The following MGAT4D variants were observed in gnomAD, a reference collection of about 807,000 sequenced individuals.
MGAT4D encodes the protein MGAT4 family member D, also known as alpha-1,3-mannosyl-glycoprotein 4-beta-N-acetylglucosaminyltransferase-like protein MGAT4D.
MGAT4D carries 34 observed loss-of-function variants against 15.9 expected under a neutral mutation model. The observed-to-expected ratio is 2.14, with a 90% CI of 1.62 to 2.84. The LOEUF is 2.84. Among genes scored for constraint, MGAT4D ranks in the 30% most tolerant of loss-of-function variants. MGAT4D has a pLI of 0.00. For synonymous variants in MGAT4D, 112 were observed against 48.2 expected, an observed-to-expected ratio of 2.33 and a Z score of -5.49; for missense variants, 327 against 140.2, an observed-to-expected ratio of 2.33 and a Z score of -6.73.
At chr4:140,472,152 A>G (rs1265564510) in intron 4 of MGAT4D, among the ~76,000 whole-genome samples, 2 of 152,144 alleles carry the variant, frequency 1.3e-5, no homozygotes, top group African/African-American at 4.8e-5. Context: ...AAAAATGGTC[A>G]TCTGTGAATG....
intron 9 of MGAT4D, among the ~76,000 whole-genome samples, chr4:140,452,152 A>G (rs538805367): frequency 2.6e-5 from 4 of 152,170 alleles, no homozygotes; most frequent in Non-Finnish European, 5.9e-5. Flanking sequence ...TGGGCAATAT[A>G]GTGAGACTCC....
chr4:140,454,857 G>T (rs1443262012), intron 9 of MGAT4D, among the ~76,000 whole-genome samples: 1 of 151,828 alleles, frequency 6.6e-6, no homozygotes, highest in Non-Finnish European at 1.5e-5. Flanking sequence ...TTTTTAAGTT[G>T]CTCTTTTATA....
chr4:140,498,106 CG>C, intron 1 of MGAT4D, 22 bp downstream of exon 1: 1 of 695,244 alleles, frequency 1.4e-6, no homozygotes, highest in Non-Finnish European at 2.6e-6. Flanking sequence ...GGAAAGGAGG[CG>C]GGAGGAGGGC....
At chr4:140,485,515 A>G (rs1733052101) in intron 1 of MGAT4D, among the ~76,000 whole-genome samples, 1 of 152,072 alleles carries the variant, frequency 6.6e-6, no homozygotes, top group Non-Finnish European at 1.5e-5. Context: ...ACTAACCTGC[A>G]TATTGTGCTC....
intron 1 of MGAT4D, among the ~76,000 whole-genome samples, chr4:140,496,637 G>A (rs892732755): frequency 1.6e-4 from 24 of 152,174 alleles, no homozygotes; most frequent in African/African-American, 5.6e-4. Flanking sequence ...GAGGGCAGGA[G>A]TTTGTGACCA....
At chr4:140,476,089 G>A (rs1732312139) in intron 3 of MGAT4D, among the ~76,000 whole-genome samples, 1 of 152,072 alleles carries the variant, frequency 6.6e-6, no homozygotes, top group Non-Finnish European at 1.5e-5. Context: ...TGGGATTACA[G>A]GCATGTGCCA....
At chr4:140,494,662 T>C (rs745380023) in intron 1 of MGAT4D, among the ~76,000 whole-genome samples, 1 of 152,212 alleles carries the variant, frequency 6.6e-6, no homozygotes, top group Non-Finnish European at 1.5e-5. Context: ...GCCTTTGCTA[T>C]TTCGGTAAAT....
intron 3 of MGAT4D, among the ~76,000 whole-genome samples, chr4:140,477,004 A>T (rs1203624380): frequency 6.6e-6 from 1 of 152,170 alleles, no homozygotes; most frequent in African/African-American, 2.4e-5. Flanking sequence ...AAATTGAATA[A>T]ATAATAAAGG....
At chr4:140,447,219 G>C (rs1410954518) in intron 10 of MGAT4D, among the ~76,000 whole-genome samples, 1 of 152,042 alleles carries the variant, frequency 6.6e-6, no homozygotes, top group Non-Finnish European at 1.5e-5. Flanking sequence ...TATATATTAT[G>C]TTCATTTGGT....
Position 140,451,405 on chromosome 4 carries a change from CT to C in MGAT4D, c.1116+4del. ...TGTTACTAAAGTTACATTTCAAAAT[CT>C]TACTTTTTCATATTGTTCTTTTCTA... is the stretch of plus-strand genomic sequence containing the variant. On this transcript the variant is annotated splice_donor_region_variant and intron_variant, in intron 10 of 10. Transcript: ENST00000511113. 1.7e-6 allele frequency: 1 copy of C among 583,548 alleles called. No homozygotes were observed. The highest frequency in any genetic ancestry group is 3.1e-6 in the Non-Finnish European group (1 of 325,128). The allele number at this position is 583,548 out of a possible 1,614,324, so 36.1% of individuals were successfully genotyped here.
Position 140,464,901 on chromosome 4 carries a change from TA to T in MGAT4D, c.680del (p.Leu227Ter), listed in dbSNP as rs1194772258. 4 of 702,412 alleles carry T rather than the reference TA, an allele frequency of 5.7e-6. No individual in the cohort carries two copies. The East Asian group carries it at 1.1e-4, about 19-fold the overall frequency. The allele number at this position is 702,412 out of a possible 1,614,324, so 43.5% of individuals were successfully genotyped here. A position where few individuals can be genotyped will look rare whatever the true frequency, so the allele number is the denominator to read the frequency against. On this transcript the variant is annotated frameshift_variant, in exon 6 of 11. Transcript: ENST00000511113. LOFTEE classifies it high-confidence loss of function. ...AKHLAEASQKLASWRIKQVLD... is the reference protein window; with the variant it reads ...AKHLAEASQKXASWRIKQVLD... ...TATTTTCTAATATGACATACCTGGC[TA>T]ATTTTTGTGAGGCCTCAGCTAAGTG...
intron 1 of MGAT4D, among the ~76,000 whole-genome samples, chr4:140,485,513 G>A (rs1288263486): frequency 6.6e-6 from 1 of 151,540 alleles, no homozygotes; most frequent in Admixed American, 6.6e-5. Flanking sequence ...TAACTAACCT[G>A]CATATTGTGC....
intron 8 of MGAT4D, chr4:140,458,537 T>C (rs558080122): frequency 2.0e-5 from 3 of 152,374 alleles, no homozygotes; most frequent in East Asian, 1.9e-4. Context: ...TACAGTTTTA[T>C]ATGCATGATC....
Position 140,443,301 on chromosome 4 carries a change from G to A in MGAT4D, c.*135C>T, listed in dbSNP as rs1020818161. 9.1e-6 allele frequency: 3 copies of A among 328,290 alleles called. No homozygotes were observed. Among genetic ancestry groups the A allele is most frequent in the African/African-American group, 6.4e-5 (3 of 46,584 alleles). The allele number at this position is 328,290 out of a possible 1,614,324, so 20.3% of individuals were successfully genotyped here. On this transcript the variant is annotated 3_prime_UTR_variant, in exon 11 of 11. Coordinates refer to ENST00000511113, the MANE Select transcript of MGAT4D (RefSeq NM_001277353.2). Reference sequence around the variant, plus strand: ...ATAAGAAGTCATTTAGTACTTTCAAGTCTACTAGTTTATGCATTGTTTACT... The same window carrying A: ...ATAAGAAGTCATTTAGTACTTTCAAATCTACTAGTTTATGCATTGTTTACT...
chr4:140,453,139 C>T (rs1039593960), intron 9 of MGAT4D, among the ~76,000 whole-genome samples: 5 of 152,134 alleles, frequency 3.3e-5, no homozygotes, highest in Non-Finnish European at 7.4e-5. Flanking sequence ...GGTGGCTTGT[C>T]TTGATTACTG....
intron 8 of MGAT4D, chr4:140,458,869 A>AAG (rs1730980549): frequency 6.6e-6 from 1 of 152,090 alleles, no homozygotes; most frequent in African/African-American, 2.4e-5. Flanking sequence ...ATACATAAGG[A>AAG]AGAGCTCCTG....
intron 2 of MGAT4D, among the ~76,000 whole-genome samples, chr4:140,479,964 T>C (rs537671669): frequency 6.6e-6 from 1 of 152,270 alleles, no homozygotes; most frequent in South Asian, 2.1e-4. Context: ...CTTTATTAAA[T>C]TTGTATCTTT....
intron 5 of MGAT4D, among the ~76,000 whole-genome samples, chr4:140,470,827 T>C (rs1285382619): frequency 6.6e-6 from 1 of 152,132 alleles, no homozygotes; most frequent in Non-Finnish European, 1.5e-5. Context: ...CTACATGTTG[T>C]CATATTTATT....
intron 1 of MGAT4D, among the ~76,000 whole-genome samples, chr4:140,492,856 T>G (rs72941722): frequency 0.26 from 40,066 of 152,014 alleles, 5,865 homozygotes; most frequent in East Asian, 0.48. Context: ...AAAAGACACA[T>G]AATAAGTCTT....
Sources: gnomAD v4.1 joint callset for allele counts (sites outside exome capture counted in the v4.1 genomes callset) on GRCh38, gnomAD v4.1.1 for gene constraint, MANE v1.5 for transcripts, NCBI Gene and HGNC (gene_info 2026-07-23, HGNC 2026-07-21) for gene names.